Variants in CAMTA1 observed in about 807,000 individuals in gnomAD.
The protein encoded by CAMTA1 is calmodulin-binding transcription activator 1.
A neutral mutation model predicts 170.9 loss-of-function variants in CAMTA1; 27 were observed. The ratio of observed to expected loss-of-function variants is 0.16; its 90% CI spans 0.12 to 0.22. The LOEUF (loss-of-function observed/expected upper bound fraction) is 0.22, where lower values mean the gene tolerates loss of function less well. CAMTA1 is among the 10% of genes least tolerant of loss of function. The pLI is 1.00. For missense variants in CAMTA1, 1,619 were observed against 2,217.2 expected, an observed-to-expected ratio of 0.73 and a Z score of 5.42; for synonymous variants, 833 against 891.5, an observed-to-expected ratio of 0.93 and a Z score of 1.17.
At chr1:6,809,565 A>G (rs1369676202) in intron 1 of CAMTA1, among the ~76,000 whole-genome samples, 2 of 152,162 alleles carry the variant, frequency 1.3e-5, no homozygotes, top group Non-Finnish European at 2.9e-5. Context: ...ATGCAGTGGC[A>G]GCAGCACAGC....
intron 4 of CAMTA1, among the ~76,000 whole-genome samples, chr1:7,136,362 C>T (rs1425801755): frequency 6.6e-6 from 1 of 152,190 alleles, no homozygotes; most frequent in East Asian, 1.9e-4. Context: ...GCAACCACCC[C>T]TTTCCTTGTG....
intron 5 of CAMTA1, among the ~76,000 whole-genome samples, chr1:7,294,758 G>T (rs1557459938): frequency 1.3e-5 from 2 of 152,256 alleles, no homozygotes; most frequent in African/African-American, 4.8e-5. Context: ...TGCAAGTCAT[G>T]CAGGGGCTTC....
intron 5 of CAMTA1, among the ~76,000 whole-genome samples, chr1:7,260,295 T>G (rs561762909): frequency 7.2e-5 from 11 of 152,356 alleles, no homozygotes; most frequent in African/African-American, 2.6e-4. Context: ...CCTGATGCTA[T>G]TCATACTCAG....
At chr1:7,720,147 T>C (rs1245053200) in intron 11 of CAMTA1, among the ~76,000 whole-genome samples, 2 of 152,246 alleles carry the variant, frequency 1.3e-5, no homozygotes, top group Non-Finnish European at 2.9e-5. Context: ...GGCATTCATA[T>C]TCATGGACGC....
chr1:7,761,681 A>T (rs2096977191), intron 22 of CAMTA1, among the ~76,000 whole-genome samples: 1 of 152,212 alleles, frequency 6.6e-6, no homozygotes, highest in African/African-American at 2.4e-5. Context: ...ATACTGAAAA[A>T]TTTGCTTACA....
intron 4 of CAMTA1, among the ~76,000 whole-genome samples, chr1:7,129,491 T>C (rs1417499998): frequency 6.6e-6 from 1 of 152,086 alleles, no homozygotes. Context: ...TGACCAAGAG[T>C]CTTATCCCAG....
At chr1:6,816,934 A>G (rs139324795) in intron 1 of CAMTA1, among the ~76,000 whole-genome samples, 3 of 152,252 alleles carry the variant, frequency 2.0e-5, no homozygotes, top group African/African-American at 7.2e-5. Flanking sequence ...TGTTTTGAGA[A>G]CCTATGGTTT....
intron 3 of CAMTA1, among the ~76,000 whole-genome samples, chr1:6,911,303 A>G (rs749243083): frequency 3.1e-4 from 47 of 152,156 alleles, no homozygotes; most frequent in Non-Finnish European, 5.1e-4. Context: ...GAAGAAGCCC[A>G]CTGGAGCTGA....
At chr1:7,484,171 G>A (rs966942704) in intron 6 of CAMTA1, among the ~76,000 whole-genome samples, 2 of 152,272 alleles carry the variant, frequency 1.3e-5, no homozygotes, top group South Asian at 4.1e-4. Flanking sequence ...GGGCAGACCC[G>A]GTGTGGGTAG....
rs900806084 is a variant in CAMTA1, at chr1:7,732,030, G to A, written c.2915-418G>A. On this transcript the variant is annotated intron_variant, in intron 11 of 22. Coordinates refer to ENST00000303635, the MANE Select transcript of CAMTA1 (RefSeq NM_015215.4). The surrounding 1 kb of genome is among the most constrained non-coding windows in gnomAD (Gnocchi z 4.1). ...AGATATACTACCTTTTTTTTTTTTT[G>A]TCTAACATACCTTCCTTTCTTGCTG... Among the ~76,000 whole-genome samples, 52 of 78,132 alleles carry A rather than the reference G, an allele frequency of 6.7e-4. No homozygotes were observed. The highest frequency in any genetic ancestry group is 1.1e-4 in the Non-Finnish European group (4 of 34,832). The allele number at this position is 78,132 out of a possible 152,430, so 51.3% of individuals were successfully genotyped here.
intron 16 of CAMTA1, among the ~76,000 whole-genome samples, chr1:7,743,832 CT>C (rs1558278523): frequency 6.7e-6 from 1 of 148,764 alleles, no homozygotes; most frequent in African/African-American, 2.5e-5. Context: ...CTTTTCTTTT[CT>C]TTTTTTTTTC....
intron 3 of CAMTA1, among the ~76,000 whole-genome samples, chr1:7,070,547 A>C (rs969471446): frequency 3.9e-5 from 6 of 152,176 alleles, no homozygotes; most frequent in Non-Finnish European, 7.3e-5. Flanking sequence ...CCTTTTGAGC[A>C]CGACCTTCTC....
chr1:6,860,177 C>T (rs1333901450), intron 3 of CAMTA1, among the ~76,000 whole-genome samples: 1 of 152,128 alleles, frequency 6.6e-6, no homozygotes, highest in East Asian at 1.9e-4. Context: ...TGTCCTCATG[C>T]CAATCCTATG....
In CAMTA1 at chr1:7,680,866, A is replaced by AGCAGCAGCAGCT. The variant is rs1558120256; in HGVS notation, c.2914+3144_2914+3145insTGCAGCAGCAGC. Among the ~76,000 whole-genome samples the AGCAGCAGCAGCT allele has an allele frequency of 1.8e-4, 25 of 135,506 alleles. No homozygotes were observed. The highest frequency in any genetic ancestry group is 2.6e-4 in the Non-Finnish European group (16 of 60,754). The allele number at this position is 135,506 out of a possible 152,430, so 88.9% of individuals were successfully genotyped here. A position where few individuals can be genotyped will look rare whatever the true frequency, so the allele number is the denominator to read the frequency against. Reference sequence around the variant, plus strand: ...CACGCGCGCGCGCGCGCGCGCCAGCAGCAGCAGCAGCAGCAGCTGCTGCGG... The same window carrying AGCAGCAGCAGCT: ...CACGCGCGCGCGCGCGCGCGCCAGCAGCAGCAGCAGCTGCAGCAGCAGCAGCAGCTGCTGCGG... On this transcript the variant is annotated intron_variant, in intron 11 of 22. Transcript: ENST00000303635. The surrounding 1 kb of genome is among the most constrained non-coding windows in gnomAD (Gnocchi z 4.4).
chr1:7,732,469 T>C lies in CAMTA1; in HGVS notation c.2936T>C (p.Ile979Thr). Residue 979 changes from isoleucine (I) to threonine (T), a missense_variant, in exon 12 of 23, where the codon ATC (isoleucine) becomes ACC (threonine). Physicochemically the swap from Ile to Thr is moderately conservative, Grantham distance 89. Around this residue, in one of 8 missense-constraint regions of CAMTA1, gnomAD observed 143 missense variants for 184.2 expected, o/e 0.78. Transcript: ENST00000303635. This position sits in a 1 kb window ranked among gnomAD's most constrained non-coding sequence, Gnocchi z 4.1. The stretch of plus-strand genomic sequence containing the variant: ...CTAGATAACCAGTTCAGGATGTCCA[T>C]CCTGGAACGACTGGAGCAGATGGAG... ...SLDDNQFRMS[I>T]LERLEQMERR... 6.2e-7 allele frequency: 1 copy of C among 1,613,994 alleles called. No homozygotes were observed. Among genetic ancestry groups the C allele is most frequent in the Non-Finnish European group, 8.5e-7 (1 of 1,180,006 alleles).
intron 3 of CAMTA1, among the ~76,000 whole-genome samples, chr1:6,864,693 C>T (rs1665976177): frequency 6.6e-6 from 1 of 152,168 alleles, no homozygotes; most frequent in African/African-American, 2.4e-5. Context: ...CTTGGGACCC[C>T]AGCTTACATG....
intron 1 of CAMTA1, among the ~76,000 whole-genome samples, chr1:6,788,767 G>A (rs1418225869): frequency 6.6e-6 from 1 of 152,128 alleles, no homozygotes; most frequent in East Asian, 1.9e-4. Flanking sequence ...AGGAAAAGTG[G>A]TAAAGATTGG....
intron 3 of CAMTA1, among the ~76,000 whole-genome samples, chr1:6,878,033 T>C (rs532999058): frequency 6.6e-6 from 1 of 152,362 alleles, no homozygotes; most frequent in South Asian, 2.1e-4. Flanking sequence ...TGCACGTATC[T>C]GTGCAGAGAT....
chr1:6,968,272 G>C (rs72856220), intron 3 of CAMTA1, among the ~76,000 whole-genome samples: 2,235 of 152,280 alleles, frequency 0.015, 37 homozygotes, highest in African/African-American at 0.042. Flanking sequence ...GGCATGTATC[G>C]TGGCTTGCCC....
Sources: gnomAD v4.1 joint callset for allele counts (sites outside exome capture counted in the v4.1 genomes callset) on GRCh38, gnomAD v4.1.1 for gene constraint, gnomAD v4.1.1 regional missense constraint, Gnocchi (gnomAD v3.1) non-coding constraint, MANE v1.5 for transcripts, NCBI Gene and HGNC (gene_info 2026-07-23, HGNC 2026-07-21) for gene names.